The following GRM5 variants were observed in gnomAD, a reference collection of about 807,000 sequenced individuals.
The protein encoded by GRM5 is metabotropic glutamate receptor 5.
In GRM5, 19 loss-of-function variants were observed where a neutral mutation model predicts 83.1. The observed-to-expected ratio is 0.23, with a 90% CI of 0.16 to 0.34. The LOEUF is 0.34. GRM5 is among the 10% of genes least tolerant of loss of function. The pLI, the probability that GRM5 is intolerant of heterozygous loss-of-function variation, is 1.00. For missense variants in GRM5, 1,160 were observed against 1,588.3 expected (o/e 0.73, Z 4.58); for synonymous variants, 675 against 633.6 (o/e 1.07, Z -0.98).
intron 2 of GRM5, among the ~76,000 whole-genome samples, chr11:88,945,837 A>G (rs1938266516): frequency 6.6e-6 from 1 of 152,168 alleles, no homozygotes; most frequent in African/African-American, 2.4e-5. Context: ...GAAAGAATTT[A>G]TGACTAAGTC....
intron 3 of GRM5, among the ~76,000 whole-genome samples, chr11:88,716,675 T>TA (rs1365561682): frequency 1.3e-5 from 2 of 151,972 alleles, no homozygotes; most frequent in African/African-American, 2.4e-5. Flanking sequence ...GTTAAACCAT[T>TA]TAATGCTTAA....
intron 2 of GRM5, among the ~76,000 whole-genome samples, chr11:89,012,627 T>C (rs1228380296): frequency 6.6e-6 from 1 of 152,196 alleles, no homozygotes; most frequent in Non-Finnish European, 1.5e-5. Context: ...AAACCTTTGA[T>C]AGCCAATGTC....
At chr11:88,903,729 T>C (rs779390380) in intron 2 of GRM5, among the ~76,000 whole-genome samples, 5 of 152,180 alleles carry the variant, frequency 3.3e-5, no homozygotes, top group Non-Finnish European at 7.3e-5. Context: ...TAATGATGGA[T>C]AATAGAGATT....
intron 2 of GRM5, among the ~76,000 whole-genome samples, chr11:89,021,759 G>C (rs1940990743): frequency 6.6e-6 from 1 of 152,198 alleles, no homozygotes; most frequent in Non-Finnish European, 1.5e-5. Flanking sequence ...CACTTAAGTT[G>C]TCAGAGTCTC....
intron 3 of GRM5, among the ~76,000 whole-genome samples, chr11:88,669,626 T>A (rs1363329686): frequency 1.3e-5 from 2 of 152,038 alleles, no homozygotes; most frequent in Admixed American, 1.3e-4. Flanking sequence ...TGCATACTAG[T>A]TTGGCATACA....
chr11:88,746,642 A>G (rs1942151141), intron 3 of GRM5, among the ~76,000 whole-genome samples: 1 of 152,062 alleles, frequency 6.6e-6, no homozygotes, highest in African/African-American at 2.4e-5. Flanking sequence ...ACCTGCATTC[A>G]TCATATACTA....
intron 2 of GRM5, among the ~76,000 whole-genome samples, chr11:88,922,206 T>G (rs1340538841): frequency 6.6e-6 from 1 of 152,198 alleles, no homozygotes; most frequent in Non-Finnish European, 1.5e-5. Flanking sequence ...AAATACCATT[T>G]ACCTTCTCAC....
At chr11:88,739,067 C>A (rs557592353) in intron 3 of GRM5, among the ~76,000 whole-genome samples, 26 of 152,164 alleles carry the variant, frequency 1.7e-4, no homozygotes, top group Non-Finnish European at 3.1e-4. Flanking sequence ...TTACGTATTT[C>A]ATAGCACATA....
At chr11:88,707,794 A>C (rs962014194) in intron 3 of GRM5, among the ~76,000 whole-genome samples, 3 of 152,126 alleles carry the variant, frequency 2.0e-5, no homozygotes, top group Non-Finnish European at 4.4e-5. Flanking sequence ...CAAGATTTGA[A>C]AATTCTTTGC....
intron 4 of GRM5, among the ~76,000 whole-genome samples, chr11:88,643,716 G>T (rs1354412): frequency 0.85 from 129,568 of 152,180 alleles, 57,103 homozygotes; most frequent in Non-Finnish European, 0.97. Flanking sequence ...GTACTATTCC[G>T]GTATTCTAGC....
intron 3 of GRM5, among the ~76,000 whole-genome samples, chr11:88,755,896 G>A (rs1250105500): frequency 6.6e-6 from 1 of 152,090 alleles, no homozygotes; most frequent in Non-Finnish European, 1.5e-5. Context: ...TACTGTGCCA[G>A]GTTTTCTAAC....
At chr11:88,766,225 C>A (rs1161844021) in intron 3 of GRM5, among the ~76,000 whole-genome samples, 1 of 151,812 alleles carries the variant, frequency 6.6e-6, no homozygotes, top group African/African-American at 2.4e-5. Flanking sequence ...TTCTATGAAG[C>A]CACAAAGGAG....
intron 3 of GRM5, among the ~76,000 whole-genome samples, chr11:88,700,292 C>A (rs1342784127): frequency 6.6e-6 from 1 of 152,028 alleles, no homozygotes; most frequent in Non-Finnish European, 1.5e-5. Context: ...TATCAAACAA[C>A]CATTTAATAT....
chr11:88,960,589 T>C (rs1475436044), intron 2 of GRM5, among the ~76,000 whole-genome samples: 2 of 152,058 alleles, frequency 1.3e-5, no homozygotes, highest in African/African-American at 2.4e-5. Flanking sequence ...TAAGAATAGA[T>C]AGTAGTAGGG....
At chr11:88,946,056 C>T (rs1938275509) in intron 2 of GRM5, among the ~76,000 whole-genome samples, 1 of 151,836 alleles carries the variant, frequency 6.6e-6, no homozygotes, top group East Asian at 1.9e-4. Context: ...AATGAATAAC[C>T]CCATTAAAAA....
intron 8 of GRM5, among the ~76,000 whole-genome samples, chr11:88,538,333 A>T (rs1425155693): frequency 6.6e-6 from 1 of 152,180 alleles, no homozygotes; most frequent in African/African-American, 2.4e-5. Flanking sequence ...TTCCTTCAAC[A>T]TTACTATTTG....
intron 2 of GRM5, among the ~76,000 whole-genome samples, chr11:89,044,047 C>T (rs1281318213): frequency 6.6e-6 from 1 of 152,148 alleles, no homozygotes; most frequent in Non-Finnish European, 1.5e-5. Context: ...GTCATCAATG[C>T]AATCTGCCAC....
chr11:88,746,216 A>G (rs1942138140), intron 3 of GRM5, among the ~76,000 whole-genome samples: 1 of 152,112 alleles, frequency 6.6e-6, no homozygotes, highest in South Asian at 2.1e-4. Flanking sequence ...GAATAGCATC[A>G]TCATTATTCT....
intron 3 of GRM5, among the ~76,000 whole-genome samples, chr11:88,656,076 G>A (rs970617878): frequency 1.3e-5 from 2 of 152,034 alleles, no homozygotes; most frequent in African/African-American, 2.4e-5. Flanking sequence ...GAAATGCTAA[G>A]AAAAAACCTT....
Sources: gnomAD v4.1 joint callset for allele counts (sites outside exome capture counted in the v4.1 genomes callset) on GRCh38, gnomAD v4.1.1 for gene constraint, MANE v1.5 for transcripts, NCBI Gene and HGNC (gene_info 2026-07-23, HGNC 2026-07-21) for gene names.